Variants in TBCA observed in about 807,000 individuals in gnomAD.
TBCA encodes the protein tubulin-specific chaperone A.
Under a neutral mutation model 15.8 loss-of-function variants are expected in TBCA, and 6 were observed. That is an observed-to-expected ratio of 0.38 (90% confidence interval 0.21 to 0.75). TBCA has a LOEUF of 0.75. Among genes scored for constraint, TBCA ranks in the 30% least tolerant of loss-of-function variants. The pLI, the probability that TBCA is intolerant of heterozygous loss-of-function variation, is 0.46. For missense variants in TBCA, 90 were observed against 131.2 expected, an observed-to-expected ratio of 0.69 and a Z score of 1.53; for synonymous variants, 32 against 42.3, an observed-to-expected ratio of 0.76 and a Z score of 0.94.
chr5:77,759,461 ATGTT>A (rs1747556291), intron 1 of TBCA, among the ~76,000 whole-genome samples: 1 of 152,184 alleles, frequency 6.6e-6, no homozygotes, highest in East Asian at 1.9e-4. Flanking sequence ...GTCTGAACCA[ATGTT>A]TCAGGTTAAA....
intron 1 of TBCA, among the ~76,000 whole-genome samples, chr5:77,763,477 C>A (rs1747695263): frequency 6.6e-6 from 1 of 152,134 alleles, no homozygotes; most frequent in Admixed American, 6.5e-5. Context: ...TTTGTGTGCC[C>A]ATCCCTTCCT....
In TBCA at chr5:77,776,308, G is replaced by C. The variant is rs1748029733; in HGVS notation, c.-51C>G. The C allele has an allele frequency of 4.5e-6, 7 of 1,552,820 alleles. No individual in the cohort carries two copies. The highest frequency in any genetic ancestry group is 6.1e-6 in the Non-Finnish European group (7 of 1,148,498). ...GGGGCGGAGAGCCGGGGTAACCGTG[G>C]AGGGCGACGCGCAGAGGCTGCGGCT... On this transcript the variant is annotated 5_prime_UTR_variant, in exon 1 of 4. Transcript: ENST00000380377.
intron 1 of TBCA, among the ~76,000 whole-genome samples, chr5:77,766,972 G>C (rs906682801): frequency 2.6e-5 from 4 of 152,034 alleles, no homozygotes; most frequent in African/African-American, 9.7e-5. Context: ...CATCCCTTTG[G>C]TCCTGAAAAG....
At chr5:77,730,669 A>G (rs1160148495) in intron 1 of TBCA, among the ~76,000 whole-genome samples, 1 of 152,002 alleles carries the variant, frequency 6.6e-6, no homozygotes, top group Non-Finnish European at 1.5e-5. Flanking sequence ...TTCCAGTTTC[A>G]ACTCTTGGAA....
At chr5:77,736,253 G>A (rs1012033692) in intron 1 of TBCA, among the ~76,000 whole-genome samples, 6 of 150,822 alleles carry the variant, frequency 4.0e-5, no homozygotes, top group Admixed American at 1.3e-4. Flanking sequence ...GAAGAATGGC[G>A]TGAACCCAGG....
intron 2 of TBCA, among the ~76,000 whole-genome samples, chr5:77,702,209 C>A (rs993728773): frequency 2.6e-5 from 4 of 152,132 alleles, no homozygotes; most frequent in African/African-American, 9.7e-5. Flanking sequence ...AAAATAAAAC[C>A]TATGTTCACA....
chr5:77,733,659 A>C (rs1174138654), intron 1 of TBCA, among the ~76,000 whole-genome samples: 1 of 152,260 alleles, frequency 6.6e-6, no homozygotes, highest in Non-Finnish European at 1.5e-5. Context: ...TAAGAAAAGA[A>C]GACATCTCCA....
intron 1 of TBCA, among the ~76,000 whole-genome samples, chr5:77,727,337 T>C (rs989786885): frequency 3.3e-5 from 5 of 151,874 alleles, no homozygotes; most frequent in Non-Finnish European, 7.4e-5. Flanking sequence ...GATTGCCTAA[T>C]TTACAAGACA....
intron 1 of TBCA, among the ~76,000 whole-genome samples, chr5:77,743,162 C>T (rs1053599766): frequency 1.3e-5 from 2 of 152,150 alleles, no homozygotes; most frequent in Admixed American, 1.3e-4. Flanking sequence ...ACTCAAAATA[C>T]CGGTTAGGAG....
intron 1 of TBCA, among the ~76,000 whole-genome samples, chr5:77,757,003 AT>A (rs968691757): frequency 1.3e-4 from 20 of 151,806 alleles, no homozygotes; most frequent in African/African-American, 3.1e-4. Context: ...TGAAAGAACA[AT>A]TTTTTTTTAA....
At chr5:77,707,271 G>A (rs6453348) in intron 2 of TBCA, among the ~76,000 whole-genome samples, 21,740 of 152,016 alleles carry the variant, frequency 0.14, 2,043 homozygotes, top group East Asian at 0.36. Flanking sequence ...GTTCCCTAAC[G>A]GCCTCTATTT....
chr5:77,693,636 C>G (rs559261911), intron 2 of TBCA: 91 of 335,940 alleles, frequency 2.7e-4, no homozygotes, highest in South Asian at 2.4e-3. Flanking sequence ...CCTGTCTCTA[C>G]TAAAAATACA....
At chr5:77,771,527 C>T (rs1374717289) in intron 1 of TBCA, among the ~76,000 whole-genome samples, 2 of 152,184 alleles carry the variant, frequency 1.3e-5, no homozygotes, top group African/African-American at 2.4e-5. Context: ...AGACACTCAC[C>T]GTAAACCTCC....
At chr5:77,704,586 A>T (rs1347898005) in intron 2 of TBCA, among the ~76,000 whole-genome samples, 1 of 152,222 alleles carries the variant, frequency 6.6e-6, no homozygotes, top group East Asian at 1.9e-4. Flanking sequence ...GAAAGGCACA[A>T]TAAATGTTAA....
rs573705575 is a variant in TBCA, at chr5:77,765,803, A to G, written c.53+10402T>C. ...CTTTGAGAAGTTCTGCCTTACGCTA[A>G]CCATTACATATGTGTTCTAGGGGCC... On this transcript the variant is annotated intron_variant, in intron 1 of 3. Coordinates refer to ENST00000380377, the MANE Select transcript of TBCA (RefSeq NM_004607.3). Among the ~76,000 whole-genome samples the G allele has an allele frequency of 6.6e-5, 10 of 151,636 alleles. No individual in the cohort carries two copies. In the East Asian group the frequency reaches 1.9e-3, roughly 29 times the overall value.
At chr5:77,769,012 G>A (rs1406559038) in intron 1 of TBCA, among the ~76,000 whole-genome samples, 1 of 152,186 alleles carries the variant, frequency 6.6e-6, no homozygotes, top group Non-Finnish European at 1.5e-5. Context: ...CATTCAACCT[G>A]GAGAATAAAA....
At chr5:77,708,129 A>G in intron 2 of TBCA, 113 bp downstream of exon 2, 2 of 665,968 alleles carry the variant, frequency 3.0e-6, no homozygotes, top group South Asian at 5.4e-5. Flanking sequence ...AAGTTTTAAT[A>G]GTAAAGAAGT....
intron 1 of TBCA, among the ~76,000 whole-genome samples, chr5:77,728,462 G>C (rs1174606145): frequency 2.0e-5 from 3 of 151,946 alleles, no homozygotes; most frequent in Admixed American, 1.3e-4. Context: ...GCTGATAAAA[G>C]GAACAATCAT....
At chr5:77,754,419 T>G (rs1015224912) in intron 1 of TBCA, among the ~76,000 whole-genome samples, 1 of 152,220 alleles carries the variant, frequency 6.6e-6, no homozygotes, top group African/African-American at 2.4e-5. Flanking sequence ...GTTTTTTAAA[T>G]TGAAAAATAT....
Sources: allele counts gnomAD v4.1 joint callset (sites outside exome capture counted in the v4.1 genomes callset), GRCh38; gene constraint gnomAD v4.1.1; transcripts MANE v1.5; gene names NCBI Gene and HGNC (gene_info 2026-07-23, HGNC 2026-07-21).